Variants in TNFRSF1A observed in about 807,000 individuals in gnomAD.
TNFRSF1A encodes tumor necrosis factor receptor superfamily member 1A.
Under a neutral mutation model 41.6 loss-of-function variants are expected in TNFRSF1A, and 9 were observed. The observed-to-expected ratio is 0.22, with a 90% confidence interval of 0.13 to 0.38. The LOEUF (loss-of-function observed/expected upper bound fraction) is 0.38, where lower values mean the gene tolerates loss of function less well. Among genes scored for constraint, TNFRSF1A ranks in the 10% least tolerant of loss-of-function variants. The pLI is 1.00. For synonymous variants in TNFRSF1A, 254 were observed against 248.6 expected, an observed-to-expected ratio of 1.02 and a Z score of -0.21; for missense variants, 463 against 591.5, an observed-to-expected ratio of 0.78 and a Z score of 2.25.
rs148334665 is a variant in TNFRSF1A, at chr12:6,329,474, G to A, written c.1206C>T (p.Ser402=). Residue 402 remains serine (S), a synonymous_variant, in exon 10 of 10, where the codon AGC becomes AGT. Coordinates refer to ENST00000162749, the MANE Select transcript of TNFRSF1A (RefSeq NM_001065.4). The part of the protein sequence containing the change: ...NGRCLREAQY[S]MLATWRRRTP... ...TGCGCCGCCTCCAGGTCGCCAGCAT[G>A]CTGTATTGCGCCTCGCGCAGGCAGC... is the stretch of plus-strand genomic sequence containing the variant. The A allele has an allele frequency of 2.6e-4, 407 of 1,593,192 alleles. No individual in the cohort carries two copies. The highest frequency in any genetic ancestry group is 3.3e-4 in the Non-Finnish European group (393 of 1,177,072).
Position 6,342,045 on chromosome 12 carries a change from G to C in TNFRSF1A, c.-231C>G, listed in dbSNP as rs1234725941. ...AGAATTCTGAGAAAATTAAAGCAGAGAGGAGGGGAGAGAAGGTGGGAGGGG... is the reference window on the plus strand; with the variant it reads ...AGAATTCTGAGAAAATTAAAGCAGACAGGAGGGGAGAGAAGGTGGGAGGGG... On this transcript the variant is annotated 5_prime_UTR_variant, in exon 1 of 10. Coordinates refer to ENST00000162749, the MANE Select transcript of TNFRSF1A (RefSeq NM_001065.4). The C allele has an allele frequency of 1.7e-6, 1 of 606,058 alleles. No homozygotes were observed. Among genetic ancestry groups the C allele is most frequent in the Non-Finnish European group, 3.0e-6 (1 of 333,484 alleles). The allele number at this position is 606,058 out of a possible 1,614,324, so 37.5% of individuals were successfully genotyped here.
chr12:6,330,144 G>A (rs367846234), intron 8 of TNFRSF1A, 78 bp from the exon 9 acceptor site: 3 of 1,610,232 alleles, frequency 1.9e-6, no homozygotes, highest in Admixed American at 1.7e-5. Context: ...CGTGGGGGTT[G>A]GGACTTAGAG....
rs528802948 is a variant in TNFRSF1A, at chr12:6,334,510, ATT to A, written c.40-268_40-267del. Among the ~76,000 whole-genome samples the A allele has an allele frequency of 0.014, 1,982 of 143,344 alleles. 43 individuals are homozygous for A. Among genetic ancestry groups the A allele is most frequent in the African/African-American group, 0.047 (1,828 of 39,214 alleles). The allele number at this position is 143,344 out of a possible 152,430, so 94.0% of individuals were successfully genotyped here. ...CTAGTAGGCCCCAGATCTAAGCTGT[ATT>A]TTTTTTTTTTTAGGCAGGATCTTGC... On this transcript the variant is annotated intron_variant, in intron 1 of 9. Transcript: ENST00000162749. This position sits in a 1 kb window ranked among gnomAD's most constrained non-coding sequence, Gnocchi z 5.1.
At position 6,329,610 on chromosome 12, in the gene TNFRSF1A, G is replaced by T; in HGVS notation, c.1070C>A (p.Ala357Glu). The change falls in exon 10 of 10, where the codon GCG becomes GAG. Residue 357 changes from alanine to glutamate, a missense_variant. Ala to Glu is a moderately radical substitution (Grantham distance 107). Around this residue, in one of 4 missense-constraint regions of TNFRSF1A, gnomAD observed 277 missense variants for 288.8 expected, o/e 0.96. Transcript: ENST00000162749. ...KPQSLDTDDP[A>E]TLYAVVENVP... ...GTTCTCCACCACGGCGTACAGCGTC[G>T]CGGGGTCATCAGCTGCGGGGACGCG... The T allele has an allele frequency of 6.3e-7, 1 of 1,593,928 alleles. No homozygotes were observed. Among genetic ancestry groups the T allele is most frequent in the Middle Eastern group, 1.7e-4 (1 of 6,034 alleles).
At chr12:6,330,952 AC>A in intron 5 of TNFRSF1A, 26 bp from the exon 6 acceptor site, 2 of 1,600,974 alleles carry the variant, frequency 1.2e-6, no homozygotes, top group Non-Finnish European at 8.6e-7. Flanking sequence ...GCACTGGTGA[AC>A]AGAGGCCCTA....
At position 6,329,589 on chromosome 12, in the gene TNFRSF1A, T is replaced by C. The variant is rs1191537375; in HGVS notation, c.1091A>G (p.Glu364Gly). 6.3e-7 allele frequency: 1 copy of C among 1,592,648 alleles called. No homozygotes were observed. The highest frequency in any genetic ancestry group is 8.5e-7 in the Non-Finnish European group (1 of 1,175,040). The stretch of plus-strand genomic sequence containing the variant: ...CTTCCAGCGCAACGGGGGCACGTTC[T>C]CCACCACGGCGTACAGCGTCGCGGG... ...DDPATLYAVVENVPPLRWKEF... is the reference protein window; with the variant it reads ...DDPATLYAVVGNVPPLRWKEF... Residue 364 changes from glutamate to glycine, a missense_variant, in exon 10 of 10, where the codon GAG becomes GGG. Physicochemically the swap from Glu to Gly is moderately conservative, Grantham distance 98 (BLOSUM62 -2). Coordinates refer to ENST00000162749, the MANE Select transcript of TNFRSF1A (RefSeq NM_001065.4).
At position 6,334,410 on chromosome 12, in the gene TNFRSF1A, T is replaced by C. The variant is rs565248203; in HGVS notation, c.40-166A>G. Among the ~76,000 whole-genome samples the C allele has an allele frequency of 7.9e-5, 12 of 152,304 alleles. No individual in the cohort carries two copies. The highest frequency in any genetic ancestry group is 4.1e-4 in the South Asian group (2 of 4,820). Reference sequence around the variant, plus strand: ...GAGTTCTTCCTTGAAACTTAGACAGTTGGGGCCATACAATCTGATGCTTAA... The same window carrying C: ...GAGTTCTTCCTTGAAACTTAGACAGCTGGGGCCATACAATCTGATGCTTAA... On this transcript the variant is annotated intron_variant, in intron 1 of 9. Transcript: ENST00000162749. The surrounding 1 kb of genome is among the most constrained non-coding windows in gnomAD (Gnocchi z 5.1).
In TNFRSF1A at chr12:6,330,037, G is replaced by A. The variant is rs1289989534; in HGVS notation, c.798C>T (p.Pro266=). ...EGELEGTTTK[P]LAPNPSFSPT... ...GACTGAAGCTTGGGTTTGGGGCCAG[G>A]GGCTTAGTAGTAGTTCCTTCAAGCT... is the stretch of plus-strand genomic sequence containing the variant. Residue 266 remains proline (P), a synonymous_variant, in exon 9 of 10, where the codon CCC becomes CCT. Transcript: ENST00000162749. 1 of 1,612,788 alleles carries A rather than the reference G, an allele frequency of 6.2e-7. No individual in the cohort carries two copies. Among genetic ancestry groups the A allele is most frequent in the South Asian group, 1.1e-5 (1 of 91,012 alleles).
rs1469655659 is a variant in TNFRSF1A, at chr12:6,334,178, C to T, written c.106G>A (p.Asp36Asn). The T allele has an allele frequency of 1.9e-6, 3 of 1,613,990 alleles. No homozygotes were observed. The highest frequency in any genetic ancestry group is 1.3e-5 in the African/African-American group (1 of 74,898). The change falls in exon 2 of 10, where the codon GAC becomes AAC. Residue 36 changes from aspartate to asparagine, a missense_variant. Physicochemically the swap from Asp to Asn is conservative, Grantham distance 23. Around this residue, in one of 4 missense-constraint regions of TNFRSF1A, gnomAD observed 37 missense variants for 46.5 expected, o/e 0.80. Coordinates refer to ENST00000162749, the MANE Select transcript of TNFRSF1A (RefSeq NM_001065.4). This position sits in a 1 kb window ranked among gnomAD's most constrained non-coding sequence, Gnocchi z 5.1. ...CACACACTATCTCTCTTCTCCCTGT[C>T]CCCTAGGTGAGGGACCAGTCCAATA... is the stretch of plus-strand genomic sequence containing the variant. ...GVIGLVPHLGDREKRDSVCPQ... is the reference protein window; with the variant it reads ...GVIGLVPHLGNREKRDSVCPQ...
At position 6,334,980 on chromosome 12, in the gene TNFRSF1A, C is replaced by T. The variant is rs1215115656; in HGVS notation, c.40-736G>A. ...CTGGGTGCTGGGTTCACCGTGTGAT[C>T]GCTTTGCGAACATTCACAGAGGTAA... is the stretch of plus-strand genomic sequence containing the variant. On this transcript the variant is annotated intron_variant, in intron 1 of 9. Coordinates refer to ENST00000162749, the MANE Select transcript of TNFRSF1A (RefSeq NM_001065.4). The surrounding 1 kb of genome is among the most constrained non-coding windows in gnomAD (Gnocchi z 5.1). Among the ~76,000 whole-genome samples the T allele has an allele frequency of 1.3e-5, 2 of 152,296 alleles. No individual in the cohort carries two copies. The highest frequency in any genetic ancestry group is 3.9e-4 in the East Asian group (2 of 5,186).
rs771057824 is a variant in TNFRSF1A at position 6,329,969 on chromosome 12, G to A, written c.866C>T (p.Pro289Leu). 3.2e-6 allele frequency: 5 copies of A among 1,584,316 alleles called. No homozygotes were observed. The Admixed American group carries it at 7.2e-5, about 23-fold the overall frequency. Reference protein sequence around the residue: ...FTPTLGFSPVPSSTFTSSSTY... With the variant: ...FTPTLGFSPVLSSTFTSSSTY... ...GGAGCTGGAGGTGAAGGTGGAACTG[G>A]GCACGGGACTGAAGCCCAGGGTGGG... Residue 289 changes from proline to leucine, a missense_variant, in exon 9 of 10, where the codon CCC (proline) becomes CTC (leucine). Around this residue, in one of 4 missense-constraint regions of TNFRSF1A, gnomAD observed 277 missense variants for 288.8 expected, o/e 0.96. Coordinates refer to ENST00000162749, the MANE Select transcript of TNFRSF1A (RefSeq NM_001065.4).
chr12:6,329,356 A>G lies in TNFRSF1A; in HGVS notation c.1324T>C (p.Cys442Arg). Residue 442 changes from cysteine (C) to arginine (R), a missense_variant, in exon 10 of 10, where the codon TGC (cysteine) becomes CGC (arginine). Cys to Arg is a radical substitution (Grantham distance 180, BLOSUM62 -3). Transcript: ENST00000162749. Reference protein sequence around the residue: ...GCLEDIEEALCGPAALPPAPS... With the variant: ...GCLEDIEEALRGPAALPPAPS... The stretch of plus-strand genomic sequence containing the variant: ...GCGGGCGGGAGGGCGGCGGGGCCGC[A>G]AAGCGCCTCCTCGATGTCCTCCAGG... 6.7e-7 allele frequency: 1 copy of G among 1,488,490 alleles called. No individual in the cohort carries two copies. The allele number at this position is 1,488,490 out of a possible 1,614,324, so 92.2% of individuals were successfully genotyped here. A position where few individuals can be genotyped will look rare whatever the true frequency, so the allele number is the denominator to read the frequency against.
At chr12:6,335,782 G>T (rs1948112655) in intron 1 of TNFRSF1A, among the ~76,000 whole-genome samples, 1 of 152,180 alleles carries the variant, frequency 6.6e-6, no homozygotes, top group African/African-American at 2.4e-5. Context: ...CGGAGCAGGA[G>T]GCCAGTCACC....
chr12:6,341,888 C>T lies in TNFRSF1A; in HGVS notation c.-74G>A, dbSNP rs200084924. On this transcript the variant is annotated 5_prime_UTR_variant, in exon 1 of 10. Coordinates refer to ENST00000162749, the MANE Select transcript of TNFRSF1A (RefSeq NM_001065.4). The surrounding 1 kb of genome is among the most constrained non-coding windows in gnomAD (Gnocchi z 4.6). ...TGGCAGCGGCAGTGCTGGGGCTTCC[C>T]GGGACTCGGTCTGTCCAGGACGTCC... 793 of 1,563,738 alleles carry T rather than the reference C, an allele frequency of 5.1e-4. 10 individuals carry two copies. In the South Asian group the frequency reaches 7.8e-3, roughly 15 times the overall value.
In TNFRSF1A at chr12:6,329,297, C is replaced by T. The variant is rs774974228; in HGVS notation, c.*15G>A. ...TCGCAGGACGGTCCTTAGAGCTGCC[C>T]GCAGGGGCGCAGCCTCATCTGAGAA... On this transcript the variant is annotated 3_prime_UTR_variant, in exon 10 of 10. Coordinates refer to ENST00000162749, the MANE Select transcript of TNFRSF1A (RefSeq NM_001065.4). The T allele has an allele frequency of 6.2e-6, 9 of 1,458,298 alleles. No homozygotes were observed. Among genetic ancestry groups the T allele is most frequent in the Admixed American group, 2.5e-5 (1 of 39,376 alleles). The allele number at this position is 1,458,298 out of a possible 1,614,324, so 90.3% of individuals were successfully genotyped here. A position where few individuals can be genotyped will look rare whatever the true frequency, so the allele number is the denominator to read the frequency against.
chr12:6,330,999 T>G, intron 5 of TNFRSF1A, 73 bp from the exon 6 acceptor site: 1 of 1,260,444 alleles, frequency 7.9e-7, no homozygotes, highest in Non-Finnish European at 1.1e-6. Context: ...CCACACAGAT[T>G]GTTGGACATC....
At chr12:6,330,197 G>C (rs914129271) in intron 8 of TNFRSF1A, 70 bp downstream of exon 8, 3 of 1,612,920 alleles carry the variant, frequency 1.9e-6, no homozygotes, top group African/African-American at 2.7e-5. Context: ...GATTCCAGGG[G>C]ATCTGAGCAT....
At position 6,341,733 on chromosome 12, in the gene TNFRSF1A, G is replaced by A; in HGVS notation, c.39+43C>T. On this transcript the variant is annotated intron_variant, in intron 1 of 9. Transcript: ENST00000162749. The surrounding 1 kb of genome is among the most constrained non-coding windows in gnomAD (Gnocchi z 4.6). ...AGAGGGCCCACGCCAGCCGGAAGGT[G>A]CCTCGCCCACCAGCCCACTCTTCCC... 6.2e-7 allele frequency: 1 copy of A among 1,612,070 alleles called. No individual in the cohort carries two copies.
chr12:6,337,368 C>T lies in TNFRSF1A; in HGVS notation c.40-3124G>A, dbSNP rs1351890425. Reference sequence around the variant, plus strand: ...ACCCCTCCAACTCCCCCACAATTTCCGCCAGAGGAGGCTTTAAAGTGTGAC... The same window carrying T: ...ACCCCTCCAACTCCCCCACAATTTCTGCCAGAGGAGGCTTTAAAGTGTGAC... On this transcript the variant is annotated intron_variant, in intron 1 of 9. Coordinates refer to ENST00000162749, the MANE Select transcript of TNFRSF1A (RefSeq NM_001065.4). The surrounding 1 kb of genome is among the most constrained non-coding windows in gnomAD (Gnocchi z 4.6). 1.3e-5 allele frequency among the ~76,000 whole-genome samples: 2 copies of T among 152,174 alleles called. No homozygotes were observed. Among genetic ancestry groups the T allele is most frequent in the East Asian group, 1.9e-4 (1 of 5,190 alleles).
Sources: gnomAD v4.1 joint callset for allele counts (sites outside exome capture counted in the v4.1 genomes callset) on GRCh38, gnomAD v4.1.1 for gene constraint, gnomAD v4.1.1 regional missense constraint, Gnocchi (gnomAD v3.1) non-coding constraint, MANE v1.5 for transcripts, NCBI Gene and HGNC (gene_info 2026-07-23, HGNC 2026-07-21) for gene names.